NPAS3: variants seen among roughly 807,000 people sequenced by gnomAD.
The protein encoded by NPAS3 is neuronal PAS domain-containing protein 3.
NPAS3 carries 14 observed loss-of-function variants against 73.1 expected under a neutral mutation model. That is an observed-to-expected ratio of 0.19 (90% CI 0.13 to 0.30). The LOEUF is 0.30. Ranked by LOEUF, NPAS3 falls within the 10% of genes least tolerant of loss-of-function variation. The probability of loss-of-function intolerance (pLI) is 1.00; values close to 1 mark genes in which losing one functional copy is unlikely to be tolerated. For missense variants in NPAS3, 1,096 were observed against 1,250.0 expected, an observed-to-expected ratio of 0.88 and a Z score of 1.86; for synonymous variants, 620 against 541.5, an observed-to-expected ratio of 1.14 and a Z score of -2.01.
chr14:33,768,585 G>A (rs943162), intron 7 of NPAS3, among the ~76,000 whole-genome samples: 120,993 of 152,098 alleles, frequency 0.8, 48,429 homozygotes, highest in East Asian at 0.92. Flanking sequence ...AGCACAGGAA[G>A]TGCCACTCCA....
chr14:33,238,309 T>G (rs2048107430), intron 3 of NPAS3, among the ~76,000 whole-genome samples: 1 of 151,978 alleles, frequency 6.6e-6, no homozygotes, highest in Admixed American at 6.6e-5. Context: ...AAATGGAAAA[T>G]GATTTAACAA....
intron 2 of NPAS3, among the ~76,000 whole-genome samples, chr14:33,136,788 C>G (rs917978253): frequency 6.6e-6 from 1 of 152,164 alleles, no homozygotes; most frequent in Admixed American, 6.5e-5. Context: ...GCCTTTGCAT[C>G]TGGGATTATA....
rs2058784330 is a variant in NPAS3 at position 33,644,977 on chromosome 14, A to G, written c.559-31234A>G. ...GCACCTGTAATCCCAGCTACTTGGG[A>G]GGCTGAGGCAGGAGAATCGCTTGAA... On this transcript the variant is annotated intron_variant, in intron 5 of 11. Transcript: ENST00000356141. Among the ~76,000 whole-genome samples the G allele has an allele frequency of 2.6e-5, 4 of 151,648 alleles. No homozygotes were observed. The South Asian group carries it at 8.4e-4, about 32-fold the overall frequency.
chr14:33,010,030 G>C (rs754698770), intron 1 of NPAS3, among the ~76,000 whole-genome samples: 2 of 152,080 alleles, frequency 1.3e-5, no homozygotes, highest in Non-Finnish European at 2.9e-5. Flanking sequence ...TGTGTGGATT[G>C]GATGAGACAA....
intron 4 of NPAS3, among the ~76,000 whole-genome samples, chr14:33,480,255 G>T (rs2051249556): frequency 6.6e-6 from 1 of 152,162 alleles, no homozygotes; most frequent in Non-Finnish European, 1.5e-5. Flanking sequence ...ACTGACAGTT[G>T]TTCTATCTAT....
At chr14:33,272,421 A>AT (rs1485875026) in intron 3 of NPAS3, among the ~76,000 whole-genome samples, 2 of 151,948 alleles carry the variant, frequency 1.3e-5, no homozygotes, top group Admixed American at 6.6e-5. Flanking sequence ...GCTTCATTTA[A>AT]TTTTTTTTGT....
At chr14:33,597,780 G>T (rs2057288786) in intron 5 of NPAS3, among the ~76,000 whole-genome samples, 1 of 152,190 alleles carries the variant, frequency 6.6e-6, no homozygotes, top group Admixed American at 6.5e-5. Flanking sequence ...AGACTCAAAA[G>T]TATCTGGTTT....
intron 2 of NPAS3, among the ~76,000 whole-genome samples, chr14:33,158,409 G>A (rs2044725772): frequency 6.6e-6 from 1 of 152,112 alleles, no homozygotes; most frequent in Admixed American, 6.5e-5. Flanking sequence ...ATTTGGTCTG[G>A]GTACTAGCTA....
At chr14:33,151,109 T>G (rs1451509615) in intron 2 of NPAS3, among the ~76,000 whole-genome samples, 1 of 152,218 alleles carries the variant, frequency 6.6e-6, no homozygotes, top group Non-Finnish European at 1.5e-5. Context: ...AGAAGAAAGA[T>G]AACTATTTCT....
chr14:33,516,360 C>G (rs1031303209), intron 4 of NPAS3, among the ~76,000 whole-genome samples: 4 of 152,168 alleles, frequency 2.6e-5, no homozygotes, highest in Non-Finnish European at 5.9e-5. Flanking sequence ...GCATTCTTTA[C>G]TTGCTTAGTC....
Position 33,575,208 on chromosome 14 carries a change from G to A in NPAS3, c.558+14998G>A, listed in dbSNP as rs115619820. Among the ~76,000 whole-genome samples the A allele has an allele frequency of 6.3e-3, 953 of 152,266 alleles. 15 individuals are homozygous for A. The highest frequency in any genetic ancestry group is 0.022 in the African/African-American group (913 of 41,544). On this transcript the variant is annotated intron_variant, in intron 5 of 11. Coordinates refer to ENST00000356141, the Ensembl canonical transcript of NPAS3. ...CATTTAACATAGCTTGTTAACCACT[G>A]CTGTATGGTCTCCTGCCCATTAGCT... is the stretch of plus-strand genomic sequence containing the variant.
intron 5 of NPAS3, among the ~76,000 whole-genome samples, chr14:33,611,657 C>T (rs913602220): frequency 6.6e-6 from 1 of 152,104 alleles, no homozygotes; most frequent in African/African-American, 2.4e-5. Context: ...CAGTTATTTG[C>T]GTGAACTAGA....
chr14:33,701,589 T>C (rs1319657339), intron 6 of NPAS3, among the ~76,000 whole-genome samples: 1 of 152,234 alleles, frequency 6.6e-6, no homozygotes. Flanking sequence ...TTTAATTTTT[T>C]CTAGAGAGTG....
At chr14:32,980,177 G>A (rs1378893517) in intron 1 of NPAS3, among the ~76,000 whole-genome samples, 1 of 152,156 alleles carries the variant, frequency 6.6e-6, no homozygotes, top group African/African-American at 2.4e-5. Context: ...ACCTTGAAAT[G>A]TTGTTTCCCA....
At position 33,466,034 on chromosome 14, in the gene NPAS3, A is replaced by C. The variant is rs535371167; in HGVS notation, c.469-94087A>C. Among the ~76,000 whole-genome samples, 45 of 152,288 alleles carry C rather than the reference A, an allele frequency of 3.0e-4. No homozygotes were observed. In the South Asian group the frequency reaches 9.1e-3, roughly 31 times the overall value. On this transcript the variant is annotated intron_variant, in intron 4 of 11. Transcript: ENST00000356141. ...CAAAACACATAGCAGATGGGGAGGC[A>C]GGCTGGAGCGTGAGCAAAACCGCAG...
intron 4 of NPAS3, among the ~76,000 whole-genome samples, chr14:33,416,031 G>C (rs1263291035): frequency 6.6e-6 from 1 of 152,032 alleles, no homozygotes; most frequent in Non-Finnish European, 1.5e-5. Context: ...GGATGTCTTT[G>C]TTCCCTGCTA....
intron 7 of NPAS3, among the ~76,000 whole-genome samples, chr14:33,737,816 C>G (rs141835228): frequency 2.0e-5 from 3 of 152,282 alleles, no homozygotes; most frequent in Admixed American, 6.5e-5. Context: ...ACCCCACCAC[C>G]ACACAATAAA....
intron 2 of NPAS3, among the ~76,000 whole-genome samples, chr14:33,205,542 G>A (rs907654207): frequency 2.0e-5 from 3 of 152,110 alleles, no homozygotes; most frequent in African/African-American, 7.2e-5. Flanking sequence ...TGGATGAAAG[G>A]TGAAATAACA....
chr14:33,111,653 C>CT (rs1204623544), intron 2 of NPAS3, among the ~76,000 whole-genome samples: 5 of 144,336 alleles, frequency 3.5e-5, no homozygotes, highest in East Asian at 2.0e-4. Flanking sequence ...CTTAAATTTT[C>CT]TTTTTTTTTC....
Sources: gnomAD v4.1 joint callset for allele counts (sites outside exome capture counted in the v4.1 genomes callset) on GRCh38, gnomAD v4.1.1 for gene constraint, MANE v1.5 for transcripts, NCBI Gene and HGNC (gene_info 2026-07-23, HGNC 2026-07-21) for gene names.